The following FMNL2 variants were observed in gnomAD, a reference collection of about 807,000 sequenced individuals.
FMNL2 encodes formin-like protein 2.
A neutral mutation model predicts 130.2 loss-of-function variants in FMNL2; 51 were observed. The ratio of observed to expected loss-of-function variants is 0.39; its 90% confidence interval spans 0.31 to 0.49. The LOEUF (loss-of-function observed/expected upper bound fraction) is 0.49, where lower values mean the gene tolerates loss of function less well. FMNL2 is among the 20% of genes least tolerant of loss of function. The pLI, the probability that FMNL2 is intolerant of heterozygous loss-of-function variation, is 0.85. For synonymous variants in FMNL2, 465 were observed against 467.1 expected (o/e 1.00, Z 0.06); for missense variants, 977 against 1,316.2 (o/e 0.74, Z 3.99).
chr2:152,497,614 A>G (rs1052443595), intron 1 of FMNL2, among the ~76,000 whole-genome samples: 2 of 152,046 alleles, frequency 1.3e-5, no homozygotes, highest in Admixed American at 6.5e-5. Flanking sequence ...CTTCCTGTAT[A>G]TATATTTTTT....
chr2:152,453,745 G>A (rs1481691223), intron 1 of FMNL2, among the ~76,000 whole-genome samples: 2 of 152,178 alleles, frequency 1.3e-5, no homozygotes, highest in South Asian at 2.1e-4. Context: ...TGCTGTCTGC[G>A]AGGGCACAGC....
chr2:152,605,386 A>C (rs1244394821), intron 9 of FMNL2, among the ~76,000 whole-genome samples: 1 of 151,982 alleles, frequency 6.6e-6, no homozygotes, highest in South Asian at 2.1e-4. Flanking sequence ...TGGCATGATC[A>C]TGGCTCACTG....
intron 1 of FMNL2, among the ~76,000 whole-genome samples, chr2:152,341,682 A>G (rs1681816347): frequency 6.6e-6 from 1 of 152,218 alleles, no homozygotes. Context: ...TTGAAAACAA[A>G]ATTTCCAGAA....
chr2:152,336,981 G>A (rs887615896), intron 1 of FMNL2, among the ~76,000 whole-genome samples: 1 of 152,190 alleles, frequency 6.6e-6, no homozygotes, highest in African/African-American at 2.4e-5. Flanking sequence ...GCTACAGGAC[G>A]TTCAAATTGC....
intron 20 of FMNL2, among the ~76,000 whole-genome samples, chr2:152,631,058 T>C (rs1167412309): frequency 6.6e-6 from 1 of 152,142 alleles, no homozygotes; most frequent in Non-Finnish European, 1.5e-5. Flanking sequence ...GTTGAATTTA[T>C]AAATTAGGCA....
intron 1 of FMNL2, among the ~76,000 whole-genome samples, chr2:152,492,952 G>A (rs938952878): frequency 3.3e-5 from 5 of 152,026 alleles, no homozygotes; most frequent in African/African-American, 4.8e-5. Flanking sequence ...CATGGAAACC[G>A]TCAACAAGGA....
chr2:152,419,552 T>C (rs1686797413), intron 1 of FMNL2, among the ~76,000 whole-genome samples: 1 of 152,106 alleles, frequency 6.6e-6, no homozygotes. Context: ...GGGGAAATGG[T>C]AACGTGATGG....
intron 6 of FMNL2, among the ~76,000 whole-genome samples, chr2:152,572,601 C>T (rs903336024): frequency 3.3e-5 from 5 of 150,286 alleles, no homozygotes; most frequent in African/African-American, 9.8e-5. Flanking sequence ...ACCTGGGCAA[C>T]AGAGCAAGAC....
chr2:152,493,115 TAAG>T (rs1309207942), intron 1 of FMNL2, among the ~76,000 whole-genome samples: 1 of 152,186 alleles, frequency 6.6e-6, no homozygotes, highest in African/African-American at 2.4e-5. Flanking sequence ...ATTGGCACTG[TAAG>T]AATAAGTTCT....
chr2:152,554,047 A>T (rs1558959099), intron 4 of FMNL2, among the ~76,000 whole-genome samples: 1 of 152,212 alleles, frequency 6.6e-6, no homozygotes, highest in Non-Finnish European at 1.5e-5. Flanking sequence ...ACGGCTAGTA[A>T]CTAATTCTTA....
chr2:152,439,491 C>CAATTTTTA (rs2106123791), intron 1 of FMNL2, among the ~76,000 whole-genome samples: 1 of 152,146 alleles, frequency 6.6e-6, no homozygotes, highest in Admixed American at 6.5e-5. Flanking sequence ...ATTAAAAAGA[C>CAATTTTTA]AATTTTTACC....
intron 1 of FMNL2, among the ~76,000 whole-genome samples, chr2:152,445,423 A>G (rs369851083): frequency 6.6e-6 from 1 of 152,196 alleles, no homozygotes; most frequent in South Asian, 2.1e-4. Flanking sequence ...CTATTGTCCA[A>G]TGGAACATTT....
chr2:152,406,961 C>T (rs1686015926), intron 1 of FMNL2, among the ~76,000 whole-genome samples: 1 of 152,156 alleles, frequency 6.6e-6, no homozygotes, highest in East Asian at 1.9e-4. Context: ...CATCCTGGCT[C>T]TGTCACTTTG....
chr2:152,379,413 T>G (rs1007458683), intron 1 of FMNL2, among the ~76,000 whole-genome samples: 2 of 152,224 alleles, frequency 1.3e-5, no homozygotes, highest in African/African-American at 4.8e-5. Flanking sequence ...AAATTTATTT[T>G]CAAATTGTAT....
chr2:152,616,379 G>A (rs1698951475), intron 12 of FMNL2, among the ~76,000 whole-genome samples: 1 of 133,670 alleles, frequency 7.5e-6, no homozygotes, highest in Non-Finnish European at 1.5e-5. Flanking sequence ...CACCCAGGCT[G>A]GAGTGCAGTG....
At chr2:152,501,470 T>C (rs1301236934) in intron 1 of FMNL2, among the ~76,000 whole-genome samples, 1 of 152,212 alleles carries the variant, frequency 6.6e-6, no homozygotes, top group African/African-American at 2.4e-5. Flanking sequence ...ATGGAAATGC[T>C]AATGAAGGCT....
At chr2:152,448,579 T>C (rs375934795) in intron 1 of FMNL2, among the ~76,000 whole-genome samples, 38 of 152,340 alleles carry the variant, frequency 2.5e-4, no homozygotes, top group African/African-American at 8.4e-4. Flanking sequence ...CGGGGTTTTC[T>C]CTTTTTTGGA....
rs1558988632 is a variant in FMNL2 at position 152,590,014 on chromosome 2, TAC to T, written c.876+8967_876+8968del. Reference sequence around the variant, plus strand: ...ATGTATATGTATATATATATACATATACATATATATATACATATACATACATA... The same window carrying T: ...ATGTATATGTATATATATATACATATATATATATATACATATACATACATA... On this transcript the variant is annotated intron_variant, in intron 9 of 25. Transcript: ENST00000288670. 5.2e-4 allele frequency among the ~76,000 whole-genome samples: 72 copies of T among 138,578 alleles called. 1 individual carries two copies. Among genetic ancestry groups the T allele is most frequent in the African/African-American group, 1.5e-3 (54 of 35,864 alleles). 90.9% of individuals were successfully genotyped at this position (138,578 alleles called of 152,430 possible). A position where few individuals can be genotyped will look rare whatever the true frequency, so the allele number is the denominator to read the frequency against.
chr2:152,411,317 G>T (rs777040467), intron 1 of FMNL2, among the ~76,000 whole-genome samples: 9 of 152,190 alleles, frequency 5.9e-5, no homozygotes, highest in Non-Finnish European at 1.0e-4. Flanking sequence ...GTGTGTGTCA[G>T]TGAAGTGGTG....
Sources: gnomAD v4.1 joint callset for allele counts (sites outside exome capture counted in the v4.1 genomes callset) on GRCh38, gnomAD v4.1.1 for gene constraint, MANE v1.5 for transcripts, NCBI Gene and HGNC (gene_info 2026-07-23, HGNC 2026-07-21) for gene names.